The following SCD variants were observed in gnomAD, a reference collection of about 807,000 sequenced individuals.
SCD encodes the protein stearoyl-CoA desaturase.
SCD carries 4 observed loss-of-function variants against 35.7 expected under a neutral mutation model. That is an observed-to-expected ratio of 0.11 (90% confidence interval 0.06 to 0.26). The LOEUF (loss-of-function observed/expected upper bound fraction) is 0.26. Among genes scored for constraint, SCD ranks in the 10% least tolerant of loss-of-function variants. The pLI is 1.00. For synonymous variants in SCD, 150 were observed against 170.2 expected (o/e 0.88, Z 0.92); for missense variants, 282 against 460.7 (o/e 0.61, Z 3.55).
rs1480180590 is a variant in SCD, at chr10:100,356,344, C to G, written c.648-188C>G. ...TGAACTAAGGTCACGCCACTGCACT[C>G]CAGCCTTGGCAACAGAGTGAGACCC... On this transcript the variant is annotated intron_variant, in intron 4 of 5. Coordinates refer to ENST00000370355, the MANE Select transcript of SCD (RefSeq NM_005063.5). This position sits in a 1 kb window ranked among gnomAD's most constrained non-coding sequence, Gnocchi z 4.1. Among the ~76,000 whole-genome samples, 1 of 152,198 alleles carries G rather than the reference C, an allele frequency of 6.6e-6. No individual in the cohort carries two copies. The highest frequency in any genetic ancestry group is 1.5e-5 in the Non-Finnish European group (1 of 68,044).
rs767458042 is a variant in SCD, at chr10:100,361,586, A to G, written c.*653A>G. 1 of 152,438 alleles carries G rather than the reference A, an allele frequency of 6.6e-6. No homozygotes were observed. Among genetic ancestry groups the G allele is most frequent in the Non-Finnish European group, 1.5e-5 (1 of 68,230 alleles). The allele number at this position is 152,438 out of a possible 1,614,324, so 9.4% of individuals were successfully genotyped here. ...CTACCTAATGAGGACTTCAAGCCCC[A>G]CCACATAGCATGCTTCCTTTCTCTC... On this transcript the variant is annotated 3_prime_UTR_variant, in exon 6 of 6. Transcript: ENST00000370355.
Position 100,352,637 on chromosome 10 carries a change from G to T in SCD, c.441+141G>T, listed in dbSNP as rs568784134. The T allele has an allele frequency of 4.6e-4, 354 of 776,776 alleles. 3 individuals carry two copies. The South Asian group carries it at 5.7e-3, about 12-fold the overall frequency. 48.1% of individuals were successfully genotyped at this position (776,776 alleles called of 1,614,324 possible). ...TCTCCTGTAGTCACCTCAAGTTCCA[G>T]TTCAGTCCTTAAGTCCATAAAGCAT... On this transcript the variant is annotated intron_variant, in intron 3 of 5. Coordinates refer to ENST00000370355, the MANE Select transcript of SCD (RefSeq NM_005063.5). The surrounding 1 kb of genome is among the most constrained non-coding windows in gnomAD (Gnocchi z 4.2).
At position 100,348,162 on chromosome 10, in the gene SCD, G is replaced by A. The variant is rs774804436; in HGVS notation, c.126G>A (p.Leu42=). Residue 42 remains leucine, a synonymous_variant, in exon 2 of 6, where the codon TTG becomes TTA. Transcript: ENST00000370355. ...AGTTGGAGACGATGCCCCTCTACTT[G>A]GAAGACGACATTCGCCCTGATATAA... ...GDKLETMPLY[L]EDDIRPDIKD... The A allele has an allele frequency of 6.2e-7, 1 of 1,613,856 alleles. No individual in the cohort carries two copies. The highest frequency in any genetic ancestry group is 8.5e-7 in the Non-Finnish European group (1 of 1,179,872).
Position 100,347,428 on chromosome 10 carries a change from G to T in SCD, c.-77G>T, listed in dbSNP as rs201193347. The T allele has an allele frequency of 1.3e-5, 20 of 1,510,082 alleles. No individual in the cohort carries two copies. The highest frequency in any genetic ancestry group is 1.4e-5 in the Non-Finnish European group (16 of 1,106,450). 93.5% of individuals were successfully genotyped at this position (1,510,082 alleles called of 1,614,324 possible). ...GCGCGTACCGGCGGGCTTCGAAACC[G>T]CAGTCCTCCGGCGACCCCGAACTCC... On this transcript the variant is annotated 5_prime_UTR_variant, in exon 1 of 6. Transcript: ENST00000370355.
intron 3 of SCD, among the ~76,000 whole-genome samples, chr10:100,353,384 GA>G (rs1849891386): frequency 6.6e-6 from 1 of 152,096 alleles, no homozygotes; most frequent in Admixed American, 6.6e-5. Context: ...AGGAGATCAA[GA>G]TCATCCTGGC....
chr10:100,350,690 C>T (rs948338997), intron 2 of SCD, among the ~76,000 whole-genome samples: 2 of 152,212 alleles, frequency 1.3e-5, no homozygotes, highest in Non-Finnish European at 2.9e-5. Context: ...AATATAGGAT[C>T]TTATATACGT....
rs200542011 is a variant in SCD, at chr10:100,364,005, T to C, written c.*3072T>C. The C allele has an allele frequency of 6.6e-6, 1 of 152,480 alleles. No homozygotes were observed. The highest frequency in any genetic ancestry group is 1.5e-5 in the Non-Finnish European group (1 of 68,004). 9.4% of individuals were successfully genotyped at this position (152,480 alleles called of 1,614,324 possible). A position where few individuals can be genotyped will look rare whatever the true frequency, so the allele number is the denominator to read the frequency against. On this transcript the variant is annotated 3_prime_UTR_variant, in exon 6 of 6. Coordinates refer to ENST00000370355, the MANE Select transcript of SCD (RefSeq NM_005063.5). ...GAGTGGAGGATTATCAGTATCACGATTTGCAGGATTCCCTTCTGGGCTTCA... is the reference window on the plus strand; with the variant it reads ...GAGTGGAGGATTATCAGTATCACGACTTGCAGGATTCCCTTCTGGGCTTCA...
At chr10:100,354,271 G>C (rs1849903131) in intron 3 of SCD, among the ~76,000 whole-genome samples, 156 bp from the exon 4 acceptor site, 1 of 152,250 alleles carries the variant, frequency 6.6e-6, no homozygotes, top group Non-Finnish European at 1.5e-5. Flanking sequence ...GTTGGGAGAA[G>C]AAGGGAGGCA....
intron 2 of SCD, among the ~76,000 whole-genome samples, chr10:100,349,064 C>A (rs1203364733): frequency 3.3e-5 from 5 of 152,162 alleles, no homozygotes; most frequent in South Asian, 2.1e-4. Context: ...CTGCTTCAGG[C>A]CCCCCTACTG....
intron 2 of SCD, among the ~76,000 whole-genome samples, chr10:100,349,101 AC>A (rs901642898): frequency 1.3e-5 from 2 of 152,146 alleles, no homozygotes; most frequent in African/African-American, 4.8e-5. Flanking sequence ...AGAATTCTGC[AC>A]CTTCCAACAC....
rs542196124 is a variant in SCD at position 100,360,649 on chromosome 10, G to C, written c.881-85G>C. ...ACAATAGCGAGTTTCTCCCAGGTGT[G>C]AGGTACCCTGCTAGCTAACTGGTGT... On this transcript the variant is annotated intron_variant, in intron 5 of 5. Coordinates refer to ENST00000370355, the MANE Select transcript of SCD (RefSeq NM_005063.5). 3,252 of 1,145,440 alleles carry C rather than the reference G, an allele frequency of 2.8e-3. 7 individuals carry two copies. Among genetic ancestry groups the C allele is most frequent in the Non-Finnish European group, 3.8e-3 (2,899 of 765,662 alleles). The allele number at this position is 1,145,440 out of a possible 1,614,324, so 71.0% of individuals were successfully genotyped here.
intron 2 of SCD, among the ~76,000 whole-genome samples, chr10:100,351,136 A>G (rs1390733722): frequency 6.6e-6 from 1 of 152,222 alleles, no homozygotes; most frequent in Non-Finnish European, 1.5e-5. Context: ...GGAATGAAAC[A>G]TTGTTAAGAG....
At chr10:100,348,428 C>A in intron 2 of SCD, 82 bp downstream of exon 2, 1 of 1,309,908 alleles carries the variant, frequency 7.6e-7, no homozygotes, top group Non-Finnish European at 1.1e-6. Context: ...ACAGAGGACA[C>A]CAGCCCCTCC....
rs757372095 is a variant in SCD, at chr10:100,354,576, G to A, written c.591G>A (p.Gly197=). The A allele has an allele frequency of 6.2e-7, 1 of 1,614,240 alleles. No individual in the cohort carries two copies. Among genetic ancestry groups the A allele is most frequent in the South Asian group, 1.1e-5 (1 of 91,080 alleles). The change falls in exon 4 of 6, where the codon GGG becomes GGA. Residue 197 remains glycine, a synonymous_variant. Transcript: ENST00000370355. Reference sequence around the variant, plus strand: ...AACACCCAGCTGTCAAAGAGAAGGGGAGTACGCTAGACTTGTCTGACCTAG... The same window carrying A: ...AACACCCAGCTGTCAAAGAGAAGGGAAGTACGCTAGACTTGTCTGACCTAG... ...VRKHPAVKEK[G]STLDLSDLEA...
chr10:100,348,185 T>C lies in SCD; in HGVS notation c.149T>C (p.Ile50Thr), dbSNP rs552357855. Residue 50 changes from isoleucine (I) to threonine (T), a missense_variant, in exon 2 of 6, where the codon ATA becomes ACA. Physicochemically the swap from Ile to Thr is moderately conservative, Grantham distance 89. Transcript: ENST00000370355. Reference sequence around the variant, plus strand: ...TTGGAAGACGACATTCGCCCTGATATAAAAGATGATATATATGACCCCACC... The same window carrying C: ...TTGGAAGACGACATTCGCCCTGATACAAAAGATGATATATATGACCCCACC... ...LYLEDDIRPDIKDDIYDPTYK... is the reference protein window; with the variant it reads ...LYLEDDIRPDTKDDIYDPTYK... The C allele has an allele frequency of 1.3e-5, 21 of 1,613,958 alleles. No homozygotes were observed. The highest frequency in any genetic ancestry group is 1.4e-5 in the Non-Finnish European group (16 of 1,179,976).
At chr10:100,347,980 C>T in intron 1 of SCD, 84 bp from the exon 2 acceptor site, 1 of 1,376,430 alleles carries the variant, frequency 7.3e-7, no homozygotes, top group Non-Finnish European at 1.0e-6. Context: ...GTCCACCCTT[C>T]CCCCAGCGTG....
In SCD at chr10:100,352,593, C is replaced by A; in HGVS notation, c.441+97C>A. 1.7e-6 allele frequency: 2 copies of A among 1,185,682 alleles called. No individual in the cohort carries two copies. Among genetic ancestry groups the A allele is most frequent in the Non-Finnish European group, 2.4e-6 (2 of 820,332 alleles). 73.4% of individuals were successfully genotyped at this position (1,185,682 alleles called of 1,614,324 possible). A position where few individuals can be genotyped will look rare whatever the true frequency, so the allele number is the denominator to read the frequency against. On this transcript the variant is annotated intron_variant, in intron 3 of 5. Coordinates refer to ENST00000370355, the MANE Select transcript of SCD (RefSeq NM_005063.5). This position sits in a 1 kb window ranked among gnomAD's most constrained non-coding sequence, Gnocchi z 4.2. ...AGCACCAGAGAGGAGCCACACCTGACAGCCATTTCACTTTCCTCTCTCCTG... is the reference window on the plus strand; with the variant it reads ...AGCACCAGAGAGGAGCCACACCTGAAAGCCATTTCACTTTCCTCTCTCCTG...
Position 100,348,153 on chromosome 10 carries a change from C to T in SCD, c.117C>T (p.Pro39=), listed in dbSNP as rs769974325. Residue 39 remains proline (P), a synonymous_variant, in exon 2 of 6, where the codon CCC becomes CCT. Coordinates refer to ENST00000370355, the MANE Select transcript of SCD (RefSeq NM_005063.5). ...QNGGDKLETM[P]LYLEDDIRPD... ...GAGGAGATAAGTTGGAGACGATGCC[C>T]CTCTACTTGGAAGACGACATTCGCC... 1 of 1,613,900 alleles carries T rather than the reference C, an allele frequency of 6.2e-7. No individual in the cohort carries two copies. Among genetic ancestry groups the T allele is most frequent in the Non-Finnish European group, 8.5e-7 (1 of 1,179,874 alleles).
In SCD at chr10:100,347,267, C is replaced by G. The variant is rs1353041213; in HGVS notation, c.-238C>G. ...CTCGCACTTTGCCCCTGCTTGGCAGCGGATAAAAGGGGGCTGAGGAAATAC... is the reference window on the plus strand; with the variant it reads ...CTCGCACTTTGCCCCTGCTTGGCAGGGGATAAAAGGGGGCTGAGGAAATAC... On this transcript the variant is annotated 5_prime_UTR_variant, in exon 1 of 6. Transcript: ENST00000370355. The G allele has an allele frequency of 1.7e-6, 1 of 572,332 alleles. No individual in the cohort carries two copies. The highest frequency in any genetic ancestry group is 3.1e-6 in the Non-Finnish European group (1 of 322,470). The allele number at this position is 572,332 out of a possible 1,614,324, so 35.5% of individuals were successfully genotyped here.
Sources: allele counts gnomAD v4.1 joint callset (sites outside exome capture counted in the v4.1 genomes callset), GRCh38; gene constraint gnomAD v4.1.1; non-coding constraint Gnocchi (gnomAD v3.1); transcripts MANE v1.5; gene names NCBI Gene and HGNC (gene_info 2026-07-23, HGNC 2026-07-21).